The following TAB1 variants were observed in gnomAD, a reference collection of about 807,000 sequenced individuals.
TAB1 encodes the protein TGF-beta activated kinase 1 (MAP3K7) binding protein 1, also known as TGF-beta-activated kinase 1 and MAP3K7-binding protein 1.
In TAB1, 30 loss-of-function variants were observed where a neutral mutation model predicts 54.5. The observed-to-expected ratio is 0.55, with a 90% CI of 0.41 to 0.75. The LOEUF is 0.75. Among genes scored for constraint, TAB1 ranks in the 30% least tolerant of loss-of-function variants. TAB1 has a pLI of 0.00. For synonymous variants in TAB1, 289 were observed against 286.9 expected (o/e 1.01, Z -0.07); for missense variants, 609 against 683.2 (o/e 0.89, Z 1.21).
At position 39,405,686 on chromosome 22, in the gene TAB1, A is replaced by T. The variant is rs17001089; in HGVS notation, c.33+5851A>T. Among the ~76,000 whole-genome samples the T allele has an allele frequency of 8.3e-3, 1,262 of 152,316 alleles. 16 individuals are homozygous for T. The highest frequency in any genetic ancestry group is 0.03 in the South Asian group (145 of 4,828). On this transcript the variant is annotated intron_variant, in intron 1 of 10. Transcript: ENST00000216160. ...TTCTGAAAATTGTTCAGAAATGTGG[A>T]GGAAGGAAGCGAGAGACTTGGCAGT...
intron 8 of TAB1, among the ~76,000 whole-genome samples, chr22:39,425,555 T>A (rs1156351418): frequency 6.6e-6 from 1 of 151,836 alleles, no homozygotes; most frequent in Non-Finnish European, 1.5e-5. Context: ...ATGCTTTTTC[T>A]TTTCTTTTTT....
At chr22:39,407,171 A>G (rs1199065581) in intron 1 of TAB1, among the ~76,000 whole-genome samples, 1 of 152,218 alleles carries the variant, frequency 6.6e-6, no homozygotes, top group East Asian at 1.9e-4. Flanking sequence ...CTCACAGGAA[A>G]AGGACTTTGT....
chr22:39,418,895 C>T (rs571591811), intron 6 of TAB1, 50 bp downstream of exon 6: 49 of 1,475,286 alleles, frequency 3.3e-5, no homozygotes, highest in Admixed American at 6.7e-5. Flanking sequence ...GCTCACCCTT[C>T]GCCTGCCTTT....
In TAB1 at chr22:39,422,773, A is replaced by G. The variant is rs528858319; in HGVS notation, c.921+802A>G. 1.3e-4 allele frequency among the ~76,000 whole-genome samples: 20 copies of G among 152,296 alleles called. No homozygotes were observed. The South Asian group carries it at 3.9e-3, about 30-fold the overall frequency. ...CGCAGTGAGGTTAGGCGTGGTAGACACAGGCCCTCAGCCAAGAGTTGCTTA... is the reference window on the plus strand; with the variant it reads ...CGCAGTGAGGTTAGGCGTGGTAGACGCAGGCCCTCAGCCAAGAGTTGCTTA... On this transcript the variant is annotated intron_variant, in intron 8 of 10. Coordinates refer to ENST00000216160, the MANE Select transcript of TAB1 (RefSeq NM_006116.3).
Position 39,430,729 on chromosome 22 carries a change from C to G in TAB1, c.*507C>G. On this transcript the variant is annotated 3_prime_UTR_variant, in exon 11 of 11. Coordinates refer to ENST00000216160, the MANE Select transcript of TAB1 (RefSeq NM_006116.3). ...GTGGAACCCAGGCTGGTGTCCGCAT[C>G]TGTCCCTGGGCCCCACCCCTGGACC... 9.8e-7 allele frequency: 1 copy of G among 1,024,436 alleles called. No individual in the cohort carries two copies. Among genetic ancestry groups the G allele is most frequent in the Non-Finnish European group, 1.2e-6 (1 of 851,460 alleles). 63.5% of individuals were successfully genotyped at this position (1,024,436 alleles called of 1,614,324 possible). A position where few individuals can be genotyped will look rare whatever the true frequency, so the allele number is the denominator to read the frequency against.
chr22:39,399,934 C>CACGGAGAGGGTGG, intron 1 of TAB1, 99 bp downstream of exon 1: 4 of 1,339,180 alleles, frequency 3.0e-6, no homozygotes, highest in Non-Finnish European at 4.2e-6. Context: ...GGACAGCCAC[C>CACGGAGAGGGTGG]CTCTCCGTGG....
chr22:39,427,521 C>T (rs1021394760), intron 9 of TAB1, among the ~76,000 whole-genome samples: 2 of 152,242 alleles, frequency 1.3e-5, no homozygotes, highest in African/African-American at 4.8e-5. Context: ...CAGTGCTGCT[C>T]AGCACTAAGA....
intron 3 of TAB1, 112 bp from the exon 4 acceptor site, chr22:39,416,679 A>G (rs751429543): frequency 1.6e-4 from 162 of 998,964 alleles, no homozygotes; most frequent in Non-Finnish European, 1.7e-4. Context: ...TCCATCACAC[A>G]AGAACCTGCA....
At chr22:39,429,823 T>A in intron 10 of TAB1, 192 bp from the exon 11 acceptor site, 7 of 985,400 alleles carry the variant, frequency 7.1e-6, no homozygotes, top group Non-Finnish European at 8.4e-6. Context: ...GCCACATGCA[T>A]CTGGTGCTTT....
At position 39,427,009 on chromosome 22, in the gene TAB1, A is replaced by G. The variant is rs547583498; in HGVS notation, c.1144+84A>G. 1.1e-5 allele frequency: 16 copies of G among 1,402,178 alleles called. No individual in the cohort carries two copies. In the African/African-American group the frequency reaches 2.0e-4, roughly 17 times the overall value. The allele number at this position is 1,402,178 out of a possible 1,614,324, so 86.9% of individuals were successfully genotyped here. The stretch of plus-strand genomic sequence containing the variant: ...GTGCAGAGCCCCCGAGGCTGCTTGA[A>G]ACGGAGATGGAGTCAGGAGGCCTGG... On this transcript the variant is annotated intron_variant, in intron 9 of 10. Coordinates refer to ENST00000216160, the MANE Select transcript of TAB1 (RefSeq NM_006116.3).
chr22:39,420,071 C>T (rs1927002440), intron 7 of TAB1, among the ~76,000 whole-genome samples: 1 of 152,200 alleles, frequency 6.6e-6, no homozygotes, highest in Admixed American at 6.5e-5. Context: ...TCGGTGCTGC[C>T]CATGGCTGCA....
Position 39,415,492 on chromosome 22 carries a change from T to G in TAB1, c.171-8T>G. 6.2e-7 allele frequency: 1 copy of G among 1,611,196 alleles called. No homozygotes were observed. On this transcript the variant is annotated splice_polypyrimidine_tract_variant and splice_region_variant and intron_variant, in intron 2 of 10. Transcript: ENST00000216160. This position sits in a 1 kb window ranked among gnomAD's most constrained non-coding sequence, Gnocchi z 4.9. ...CTCAGGCCTCCCTCTGCCCTCTCCC[T>G]CTTCCAGGAGTGAGAACAACTGCTT...
At chr22:39,426,091 T>C (rs1235829320) in intron 8 of TAB1, among the ~76,000 whole-genome samples, 1 of 152,160 alleles carries the variant, frequency 6.6e-6, no homozygotes, top group Non-Finnish European at 1.5e-5. Context: ...TCTCCTGACC[T>C]CTGGCAGTCC....
chr22:39,401,935 A>T lies in TAB1; in HGVS notation c.33+2100A>T, dbSNP rs537113451. 7.9e-5 allele frequency among the ~76,000 whole-genome samples: 12 copies of T among 152,310 alleles called. No homozygotes were observed. The South Asian group carries it at 2.1e-3, about 26-fold the overall frequency. The stretch of plus-strand genomic sequence containing the variant: ...CTGTGAGGGCTGCTGGTCTGTGGCT[A>T]CTGGGCAAATATGAATGAGGCGTGG... On this transcript the variant is annotated intron_variant, in intron 1 of 10. Coordinates refer to ENST00000216160, the MANE Select transcript of TAB1 (RefSeq NM_006116.3).
chr22:39,428,580 G>A (rs1927450348), intron 10 of TAB1, among the ~76,000 whole-genome samples: 2 of 152,140 alleles, frequency 1.3e-5, no homozygotes, highest in African/African-American at 4.8e-5. Context: ...TTTGAAGTGA[G>A]TTCTCTGGTT....
chr22:39,401,704 T>C (rs986436043), intron 1 of TAB1, among the ~76,000 whole-genome samples: 70 of 152,288 alleles, frequency 4.6e-4, no homozygotes, highest in African/African-American at 1.6e-3. Context: ...GCAAGAATAG[T>C]TAGCTTTAAA....
chr22:39,430,067 A>T lies in TAB1; in HGVS notation c.1360A>T (p.Ser454Cys), dbSNP rs1483465473. ...CACCAACACGCACACGCAGAGCAGCAGCTCCAGCTCTGACGGAGGCCTCTT... is the reference window on the plus strand; with the variant it reads ...CACCAACACGCACACGCAGAGCAGCTGCTCCAGCTCTGACGGAGGCCTCTT... ...QSTNTHTQSS[S>C]SSSDGGLFRS... The change falls in exon 11 of 11, where the codon AGC becomes TGC. Residue 454 changes from serine to cysteine, a missense_variant. Coordinates refer to ENST00000216160, the MANE Select transcript of TAB1 (RefSeq NM_006116.3). 6.2e-7 allele frequency: 1 copy of T among 1,614,120 alleles called. No homozygotes were observed. Among genetic ancestry groups the T allele is most frequent in the Non-Finnish European group, 8.5e-7 (1 of 1,180,046 alleles).
intron 1 of TAB1, among the ~76,000 whole-genome samples, 163 bp downstream of exon 1, chr22:39,399,998 G>A (rs1331717794): frequency 1.3e-5 from 2 of 152,198 alleles, no homozygotes; most frequent in African/African-American, 2.4e-5. Context: ...TCGTTCCCGA[G>A]GCCAGGGCGT....
downstream of TAB1, chr22:39,433,161 A>G: frequency 1.0e-6 from 1 of 985,310 alleles, no homozygotes; most frequent in African/African-American, 1.7e-5. Flanking sequence ...CCTTAAAGAC[A>G]TCAGTCTCGG....
Sources: gnomAD v4.1 joint callset for allele counts (sites outside exome capture counted in the v4.1 genomes callset) on GRCh38, gnomAD v4.1.1 for gene constraint, Gnocchi (gnomAD v3.1) non-coding constraint, MANE v1.5 for transcripts, NCBI Gene and HGNC (gene_info 2026-07-23, HGNC 2026-07-21) for gene names.